NAE1: variants seen among roughly 807,000 people sequenced by gnomAD.
NAE1 encodes NEDD8-activating enzyme E1 regulatory subunit.
NAE1 carries 59 observed loss-of-function variants against 88.0 expected under a neutral mutation model. That is an observed-to-expected ratio of 0.67 (90% CI 0.54 to 0.83). NAE1 has a LOEUF of 0.83. Ranked by LOEUF, NAE1 falls within the 40% of genes least tolerant of loss-of-function variation. The probability of loss-of-function intolerance (pLI) is 0.00; values close to 1 mark genes in which losing one functional copy is unlikely to be tolerated. For missense variants in NAE1, 554 were observed against 632.8 expected (o/e 0.88, Z 1.34); for synonymous variants, 186 against 208.9 (o/e 0.89, Z 0.95).
At chr16:66,817,262 A>C in intron 9 of NAE1, 163 bp downstream of exon 9, 1 of 874,060 alleles carries the variant, frequency 1.1e-6, no homozygotes, top group Non-Finnish European at 1.8e-6. Context: ...AATTATCAGG[A>C]TCAAAAGAGG....
At chr16:66,828,031 A>G in intron 1 of NAE1, 8 of 1,613,968 alleles carry the variant, frequency 5.0e-6, no homozygotes, top group East Asian at 2.2e-5. Context: ...ACTCCACTGT[A>G]TGCTCCATAA....
chr16:66,804,101 A>G (rs542344008), intron 19 of NAE1, among the ~76,000 whole-genome samples: 1 of 152,306 alleles, frequency 6.6e-6, no homozygotes, highest in Admixed American at 6.5e-5. Context: ...AGATATAAAT[A>G]CAAGAGAAGG....
At chr16:66,816,775 TAAG>T (rs1960059341) in intron 10 of NAE1, 103 bp from the exon 11 acceptor site, 9 of 1,268,966 alleles carry the variant, frequency 7.1e-6, no homozygotes, top group South Asian at 5.7e-5. Flanking sequence ...TATTAAATCT[TAAG>T]AAGAAATACG....
intron 1 of NAE1, among the ~76,000 whole-genome samples, chr16:66,830,093 C>T (rs1464347665): frequency 6.6e-6 from 1 of 151,992 alleles, no homozygotes; most frequent in Non-Finnish European, 1.5e-5. Flanking sequence ...CACCATGTTG[C>T]CCAGGCTGGT....
At position 66,821,493 on chromosome 16, in the gene NAE1, A is replaced by G. The variant is rs754461400; in HGVS notation, c.468T>C (p.Tyr156=). ...SQIPLLICRT[Y]GLVGYMRIII... ...TGATCCTCATATAACCAACTAGTCC[A>G]TATGTCCTACAGATCAAAAGAGGAA... Residue 156 remains tyrosine, a synonymous_variant, in exon 7 of 20, where the codon TAT becomes TAC. Coordinates refer to ENST00000290810, the MANE Select transcript of NAE1 (RefSeq NM_003905.4). The G allele has an allele frequency of 1.6e-5, 25 of 1,604,266 alleles. No individual in the cohort carries two copies. The highest frequency in any genetic ancestry group is 2.7e-5 in the African/African-American group (2 of 74,430).
chr16:66,821,965 G>C (rs1255094360), intron 6 of NAE1, among the ~76,000 whole-genome samples: 3 of 152,056 alleles, frequency 2.0e-5, no homozygotes, highest in Non-Finnish European at 4.4e-5. Context: ...GACCTCCCAG[G>C]CTCAAGTGAT....
At chr16:66,812,031 T>C (rs1959824082) in intron 13 of NAE1, among the ~76,000 whole-genome samples, 1 of 152,216 alleles carries the variant, frequency 6.6e-6, no homozygotes, top group South Asian at 2.1e-4. Flanking sequence ...TGTGATAGTC[T>C]ATCTGGGTTC....
chr16:66,823,581 A>G lies in NAE1; in HGVS notation c.269T>C (p.Met90Thr), dbSNP rs1232419552. ...SIGKNRAEAA[M>T]EFLQELNSDV... ...GCTATTTAATTCTTGTAAGAATTCCATGGCAGCTTCAGCTCGGTTCTTTTT... is the reference window on the plus strand; with the variant it reads ...GCTATTTAATTCTTGTAAGAATTCCGTGGCAGCTTCAGCTCGGTTCTTTTT... Residue 90 changes from methionine to threonine, a missense_variant, in exon 5 of 20, where the codon ATG becomes ACG. Coordinates refer to ENST00000290810, the MANE Select transcript of NAE1 (RefSeq NM_003905.4). 5 of 1,607,278 alleles carry G rather than the reference A, an allele frequency of 3.1e-6. No individual in the cohort carries two copies. Among genetic ancestry groups the G allele is most frequent in the Non-Finnish European group, 4.2e-6 (5 of 1,178,392 alleles).
chr16:66,808,466 T>A, intron 17 of NAE1, 55 bp downstream of exon 17: 2 of 1,184,316 alleles, frequency 1.7e-6, no homozygotes, highest in African/African-American at 3.1e-5. Context: ...CACTTTCAAT[T>A]TAAATGTTTT....
intron 19 of NAE1, among the ~76,000 whole-genome samples, chr16:66,805,106 T>C (rs1959510957): frequency 6.6e-6 from 1 of 152,120 alleles, no homozygotes; most frequent in East Asian, 1.9e-4. Flanking sequence ...CAGAAAAACA[T>C]ATTTTTAAGG....
chr16:66,816,565 G>A lies in NAE1; in HGVS notation c.840+16C>T, dbSNP rs774917716. On this transcript the variant is annotated intron_variant, in intron 11 of 19. Transcript: ENST00000290810. The stretch of plus-strand genomic sequence containing the variant: ...ACATCTTGTTCATGTGAATCCCTCA[G>A]CAACTCTTTCATTACCTGAGTTGTA... 3.2e-6 allele frequency: 5 copies of A among 1,545,824 alleles called. No individual in the cohort carries two copies. The South Asian group carries it at 4.5e-5, about 14-fold the overall frequency.
At chr16:66,824,961 A>G in intron 3 of NAE1, 76 bp from the exon 4 acceptor site, 2 of 1,291,346 alleles carry the variant, frequency 1.5e-6, no homozygotes, top group East Asian at 2.4e-5. Flanking sequence ...AATAGCATGC[A>G]TATTTCATTC....
chr16:66,824,726 A>G, intron 4 of NAE1, 129 bp downstream of exon 4: 1 of 794,478 alleles, frequency 1.3e-6, no homozygotes, highest in Non-Finnish European at 1.9e-6. Context: ...GATTTACAAG[A>G]TTACAAAAAT....
At chr16:66,814,263 G>A (rs1362517088) in intron 11 of NAE1, among the ~76,000 whole-genome samples, 1 of 152,016 alleles carries the variant, frequency 6.6e-6, no homozygotes, top group Non-Finnish European at 1.5e-5. Context: ...AAACCATAAA[G>A]TAATTTTATT....
chr16:66,805,342 G>A (rs1959520141), intron 19 of NAE1, among the ~76,000 whole-genome samples: 1 of 152,146 alleles, frequency 6.6e-6, no homozygotes, highest in Non-Finnish European at 1.5e-5. Flanking sequence ...TCAGAGCTAT[G>A]CTTTAGAAGG....
At chr16:66,820,937 C>T (rs1276485347) in intron 7 of NAE1, among the ~76,000 whole-genome samples, 1 of 148,688 alleles carries the variant, frequency 6.7e-6, no homozygotes, top group Non-Finnish European at 1.5e-5. Flanking sequence ...GGCATGGTGG[C>T]GGGTGCCTGT....
chr16:66,818,692 A>G, intron 7 of NAE1, 55 bp from the exon 8 acceptor site: 2 of 1,532,612 alleles, frequency 1.3e-6, no homozygotes, highest in East Asian at 4.7e-5. Context: ...AAAAAAAGAG[A>G]GAGATGGGGT....
At chr16:66,830,730 G>GGCCCA in intron 1 of NAE1, 117 bp downstream of exon 1, 2 of 1,018,314 alleles carry the variant, frequency 2.0e-6, no homozygotes, top group Non-Finnish European at 2.8e-6. Flanking sequence ...CGCACGGCCC[G>GGCCCA]GCCCAGCCTG....
At chr16:66,817,321 TC>T in intron 9 of NAE1, 103 bp downstream of exon 9, 1 of 994,946 alleles carries the variant, frequency 1.0e-6, no homozygotes, top group South Asian at 1.4e-5. Flanking sequence ...ACCATACAAC[TC>T]CATAAGGAAA....
Sources: allele counts gnomAD v4.1 joint callset (sites outside exome capture counted in the v4.1 genomes callset), GRCh38; gene constraint gnomAD v4.1.1; transcripts MANE v1.5; gene names NCBI Gene and HGNC (gene_info 2026-07-23, HGNC 2026-07-21).